CSMD3: variants seen among roughly 807,000 people sequenced by gnomAD.
CSMD3 encodes the protein CUB and Sushi multiple domains 3.
Under a neutral mutation model 435.2 loss-of-function variants are expected in CSMD3, and 177 were observed. The ratio of observed to expected loss-of-function variants is 0.41; its 90% CI spans 0.36 to 0.46. The LOEUF (loss-of-function observed/expected upper bound fraction) is 0.46, where lower values mean the gene tolerates loss of function less well. CSMD3 is among the 20% of genes least tolerant of loss of function. The pLI, the probability that CSMD3 is intolerant of heterozygous loss-of-function variation, is 0.34. For missense variants in CSMD3, 4,265 were observed against 4,504.6 expected, an observed-to-expected ratio of 0.95 and a Z score of 1.52; for synonymous variants, 1,656 against 1,520.5, an observed-to-expected ratio of 1.09 and a Z score of -2.07.
At chr8:112,656,488 A>C (rs757154428) in intron 17 of CSMD3, 147 bp from the exon 18 acceptor site, 87 of 565,416 alleles carry the variant, frequency 1.5e-4, no homozygotes, top group African/African-American at 1.4e-3. Flanking sequence ...CTAAGATATC[A>C]TTTAAGACAC....
intron 4 of CSMD3, among the ~76,000 whole-genome samples, chr8:113,099,289 T>C (rs2090262177): frequency 6.6e-6 from 1 of 152,076 alleles, no homozygotes; most frequent in Non-Finnish European, 1.5e-5. Context: ...CAAAGTGAGT[T>C]AAACAAAGGA....
chr8:112,828,904 A>G (rs1313735976), intron 12 of CSMD3, among the ~76,000 whole-genome samples: 1 of 152,162 alleles, frequency 6.6e-6, no homozygotes, highest in African/African-American at 2.4e-5. Flanking sequence ...AAGAGCAGTA[A>G]TATTGGAGCC....
intron 61 of CSMD3, among the ~76,000 whole-genome samples, chr8:112,262,528 G>A (rs1172846231): frequency 2.0e-5 from 3 of 152,076 alleles, no homozygotes; most frequent in African/African-American, 7.2e-5. Context: ...GAAGTGAAAG[G>A]GAAGTGTTAA....
intron 13 of CSMD3, among the ~76,000 whole-genome samples, chr8:112,708,735 CA>C (rs11393725): frequency 7.1e-6 from 1 of 140,352 alleles, no homozygotes; most frequent in African/African-American, 2.6e-5. Flanking sequence ...AAAAAACCTA[CA>C]AAAAAAAATC....
chr8:113,257,889 GA>G (rs796311390), intron 3 of CSMD3, among the ~76,000 whole-genome samples: 11 of 151,976 alleles, frequency 7.2e-5, no homozygotes, highest in African/African-American at 2.4e-4. Flanking sequence ...AACACACTAA[GA>G]AAAAAATTTT....
At chr8:113,072,119 A>G (rs2089148006) in intron 5 of CSMD3, among the ~76,000 whole-genome samples, 1 of 151,838 alleles carries the variant, frequency 6.6e-6, no homozygotes, top group Non-Finnish European at 1.5e-5. Flanking sequence ...TTGTTTCAAT[A>G]TAAAAATGTA....
At chr8:113,316,211 G>A (rs113928191) in intron 1 of CSMD3, among the ~76,000 whole-genome samples, 1 of 152,226 alleles carries the variant, frequency 6.6e-6, no homozygotes, top group Non-Finnish European at 1.5e-5. Context: ...TTATCTGTGA[G>A]TCCTACAGGA....
intron 3 of CSMD3, among the ~76,000 whole-genome samples, chr8:113,227,068 A>ACTTGCT (rs2093036701): frequency 6.6e-6 from 1 of 151,562 alleles, no homozygotes; most frequent in African/African-American, 2.4e-5. Flanking sequence ...AAGCAAAAGG[A>ACTTGCT]CTTGCTCTTG....
At chr8:113,052,660 T>C (rs979608659) in intron 5 of CSMD3, among the ~76,000 whole-genome samples, 17 of 152,122 alleles carry the variant, frequency 1.1e-4, no homozygotes, top group Admixed American at 8.5e-4. Context: ...CGCATGCCTA[T>C]AGTCCAAGCT....
At chr8:112,943,809 C>CTGAA (rs2083523131) in intron 9 of CSMD3, among the ~76,000 whole-genome samples, 1 of 151,600 alleles carries the variant, frequency 6.6e-6, no homozygotes, top group Non-Finnish European at 1.5e-5. Flanking sequence ...TGACCTTGAC[C>CTGAA]TGAAACTGAT....
At chr8:113,137,470 C>G (rs937250262) in intron 4 of CSMD3, among the ~76,000 whole-genome samples, 5 of 151,666 alleles carry the variant, frequency 3.3e-5, no homozygotes, top group African/African-American at 1.2e-4. Context: ...TTGTGCTGCT[C>G]TATCAAAATA....
In CSMD3 at chr8:113,041,007, C is replaced by T. The variant is rs188167921; in HGVS notation, c.918-21828G>A. On this transcript the variant is annotated intron_variant, in intron 5 of 70. Transcript: ENST00000297405. ...TTGCCTGAGGTCAGGATTTCGAGAC[C>T]AGTCTGGTCAACATAGTGAAACCCG... Among the ~76,000 whole-genome samples the T allele has an allele frequency of 3.2e-3, 492 of 151,922 alleles. 1 individual carries two copies. The highest frequency in any genetic ancestry group is 0.011 in the African/African-American group (468 of 41,424).
At chr8:113,292,338 A>C (rs2093692101) in intron 2 of CSMD3, among the ~76,000 whole-genome samples, 1 of 151,826 alleles carries the variant, frequency 6.6e-6, no homozygotes, top group South Asian at 2.1e-4. Context: ...ATTTATATTC[A>C]AAATATTCCA....
At chr8:113,104,498 T>A (rs1414132874) in intron 4 of CSMD3, among the ~76,000 whole-genome samples, 1 of 152,114 alleles carries the variant, frequency 6.6e-6, no homozygotes, top group East Asian at 1.9e-4. Flanking sequence ...TTACATTTAA[T>A]AGTTCAACTC....
intron 5 of CSMD3, among the ~76,000 whole-genome samples, chr8:113,085,653 T>C (rs911173902): frequency 6.6e-6 from 1 of 152,130 alleles, no homozygotes; most frequent in African/African-American, 2.4e-5. Flanking sequence ...TAAAGAACAT[T>C]ATTTTAAGTG....
chr8:112,832,729 A>C (rs568042325), intron 11 of CSMD3, among the ~76,000 whole-genome samples: 1 of 152,134 alleles, frequency 6.6e-6, no homozygotes, highest in Non-Finnish European at 1.5e-5. Context: ...ACAACCTTGA[A>C]AAGAAGACCC....
At chr8:112,498,715 T>C (rs73700985) in intron 30 of CSMD3, among the ~76,000 whole-genome samples, 2,643 of 152,236 alleles carry the variant, frequency 0.017, 80 homozygotes, top group African/African-American at 0.06. Context: ...GTTTCTTTCT[T>C]TCTTTCTTCT....
chr8:112,410,616 G>GTATA (rs200328572), intron 32 of CSMD3, among the ~76,000 whole-genome samples: 5 of 67,582 alleles, frequency 7.4e-5, no homozygotes, highest in Admixed American at 1.8e-4. Flanking sequence ...ATATATATAT[G>GTATA]TATATATATG....
intron 16 of CSMD3, among the ~76,000 whole-genome samples, chr8:112,668,947 A>G (rs368335262): frequency 6.6e-5 from 10 of 152,162 alleles, no homozygotes; most frequent in African/African-American, 1.9e-4. Flanking sequence ...AAAACAAAAC[A>G]AAACAAAACA....
Sources: allele counts gnomAD v4.1 joint callset (sites outside exome capture counted in the v4.1 genomes callset), GRCh38; gene constraint gnomAD v4.1.1; transcripts MANE v1.5; gene names NCBI Gene and HGNC (gene_info 2026-07-23, HGNC 2026-07-21).